Variants in PTPRN2 observed in about 807,000 individuals in gnomAD.
PTPRN2 encodes protein tyrosine phosphatase receptor type N2.
PTPRN2 carries 74 observed loss-of-function variants against 118.8 expected under a neutral mutation model. The ratio of observed to expected loss-of-function variants is 0.62; its 90% CI spans 0.52 to 0.76. The LOEUF is 0.76. Among genes scored for constraint, PTPRN2 ranks in the 30% least tolerant of loss-of-function variants. The pLI, the probability that PTPRN2 is intolerant of heterozygous loss-of-function variation, is 0.00. For missense variants in PTPRN2, 1,481 were observed against 1,394.4 expected, an observed-to-expected ratio of 1.06 and a Z score of -0.99; for synonymous variants, 641 against 608.0, an observed-to-expected ratio of 1.05 and a Z score of -0.80.
At chr7:157,770,442 C>T (rs576063629) in intron 12 of PTPRN2, among the ~76,000 whole-genome samples, 19 of 152,142 alleles carry the variant, frequency 1.2e-4, no homozygotes, top group Non-Finnish European at 2.5e-4. Context: ...TACGTTAAAC[C>T]GGAGGCTTTC....
chr7:158,072,057 C>CCATGGTGGTGGAGGTGCT (rs1811952036), intron 11 of PTPRN2, among the ~76,000 whole-genome samples: 1 of 69,080 alleles, frequency 1.4e-5, no homozygotes, highest in African/African-American at 6.0e-5. Flanking sequence ...GTGGAGGTTC[C>CCATGGTGGTGGAGGTGCT]CGTGGTGGTG....
chr7:158,562,800 C>T (rs778872845), intron 1 of PTPRN2, among the ~76,000 whole-genome samples: 11 of 152,144 alleles, frequency 7.2e-5, no homozygotes, highest in African/African-American at 2.2e-4. Flanking sequence ...GGATCAATGA[C>T]GCTCCCAGGG....
chr7:158,195,894 C>T lies in PTPRN2; in HGVS notation c.381-3399G>A, dbSNP rs143802830. 1.2e-4 allele frequency among the ~76,000 whole-genome samples: 19 copies of T among 152,272 alleles called. No individual in the cohort carries two copies. In the East Asian group the frequency reaches 3.5e-3, roughly 28 times the overall value. ...TTATTGGGTGATGGACATTTGCAATCCCATAAATATTATTTACCTTTGCTC... is the reference window on the plus strand; with the variant it reads ...TTATTGGGTGATGGACATTTGCAATTCCATAAATATTATTTACCTTTGCTC... On this transcript the variant is annotated intron_variant, in intron 4 of 22. Transcript: ENST00000389418.
chr7:158,145,021 G>A (rs13225533), intron 6 of PTPRN2, among the ~76,000 whole-genome samples: 3 of 147,072 alleles, frequency 2.0e-5, no homozygotes, highest in East Asian at 2.0e-4. Context: ...ACATCATCGC[G>A]AGAAGGTTCC....
At chr7:158,326,972 C>A (rs1803632289) in intron 2 of PTPRN2, among the ~76,000 whole-genome samples, 1 of 151,546 alleles carries the variant, frequency 6.6e-6, no homozygotes, top group Admixed American at 6.6e-5. Flanking sequence ...CGCACACATT[C>A]ACATGCACAT....
At chr7:158,337,261 C>G (rs1805795782) in intron 2 of PTPRN2, among the ~76,000 whole-genome samples, 1 of 151,654 alleles carries the variant, frequency 6.6e-6, no homozygotes, top group South Asian at 2.1e-4. Context: ...CTGACACCTG[C>G]AGACGTCACT....
chr7:158,512,412 A>G (rs1299902107), intron 1 of PTPRN2, among the ~76,000 whole-genome samples: 1 of 152,218 alleles, frequency 6.6e-6, no homozygotes, highest in Non-Finnish European at 1.5e-5. Flanking sequence ...AATAATCCAC[A>G]TGGTAAGAGC....
intron 11 of PTPRN2, among the ~76,000 whole-genome samples, chr7:157,981,992 T>C (rs1803200558): frequency 1.4e-5 from 2 of 139,154 alleles, no homozygotes; most frequent in African/African-American, 2.6e-5. Context: ...CCAGAACCCC[T>C]GAGTCATAGA....
At chr7:158,136,220 T>C in intron 8 of PTPRN2, among the ~76,000 whole-genome samples, 1 of 152,170 alleles carries the variant, frequency 6.6e-6, no homozygotes, top group Non-Finnish European at 1.5e-5. Context: ...TTTATTCAAT[T>C]TAAATATAGG....
At chr7:157,688,161 A>G (rs1439863690) in intron 12 of PTPRN2, among the ~76,000 whole-genome samples, 1 of 152,256 alleles carries the variant, frequency 6.6e-6, no homozygotes, top group East Asian at 1.9e-4. Context: ...AACTTTAATG[A>G]AAATAAGTTG....
rs13246646 is a variant in PTPRN2 at position 157,749,093 on chromosome 7, C to T, written c.1789-66156G>A. Among the ~76,000 whole-genome samples, 45 of 68,688 alleles carry T rather than the reference C, an allele frequency of 6.6e-4. No homozygotes were observed. In the East Asian group the frequency reaches 0.02, roughly 31 times the overall value. 45.1% of individuals were successfully genotyped at this position (68,688 alleles called of 152,430 possible). On this transcript the variant is annotated intron_variant, in intron 12 of 22. Coordinates refer to ENST00000389418, the MANE Select transcript of PTPRN2 (RefSeq NM_002847.5). Reference sequence around the variant, plus strand: ...GCTGTCCGGGTGATTCTGAGGCCTGCGTCCCTGAGCTGTGGGCTGTTGAGG... The same window carrying T: ...GCTGTCCGGGTGATTCTGAGGCCTGTGTCCCTGAGCTGTGGGCTGTTGAGG...
At position 157,629,675 on chromosome 7, in the gene PTPRN2, G is replaced by T. The variant is rs1267072021; in HGVS notation, c.2197-8166C>A. Among the ~76,000 whole-genome samples the T allele has an allele frequency of 6.6e-6, 1 of 152,226 alleles. No individual in the cohort carries two copies. ...CTTCGTTCCTACAACGATGCTGCCA[G>T]CAGTGGAGACTTCTTCCCACTGTAG... On this transcript the variant is annotated intron_variant, in intron 14 of 22. Transcript: ENST00000389418. The surrounding 1 kb of genome is among the most constrained non-coding windows in gnomAD (Gnocchi z 4.4).
intron 12 of PTPRN2, among the ~76,000 whole-genome samples, chr7:157,694,218 A>C (rs1183074452): frequency 6.6e-6 from 1 of 152,204 alleles, no homozygotes; most frequent in Non-Finnish European, 1.5e-5. Flanking sequence ...TGCTTTGAGG[A>C]AAGATGGGTG....
intron 3 of PTPRN2, among the ~76,000 whole-genome samples, chr7:158,228,698 C>A (rs1828977325): frequency 1.3e-5 from 2 of 152,152 alleles, no homozygotes; most frequent in African/African-American, 4.8e-5. Context: ...CACCATCCCT[C>A]CTCATAATCT....
intron 11 of PTPRN2, chr7:158,027,687 T>G (rs1389175341): frequency 6.6e-6 from 1 of 152,208 alleles, no homozygotes; most frequent in South Asian, 2.1e-4. Context: ...CCTCACTTTC[T>G]AAAAATATGA....
intron 11 of PTPRN2, among the ~76,000 whole-genome samples, chr7:157,968,492 G>A (rs750353582): frequency 6.6e-6 from 1 of 152,188 alleles, no homozygotes; most frequent in Non-Finnish European, 1.5e-5. Flanking sequence ...TCTGGGTCTC[G>A]GGGTTGTGTG....
intron 11 of PTPRN2, among the ~76,000 whole-genome samples, chr7:158,013,641 T>G (rs1806204584): frequency 6.6e-6 from 1 of 151,936 alleles, no homozygotes; most frequent in African/African-American, 2.4e-5. Flanking sequence ...AATCCATCTA[T>G]CATCCATCAT....
intron 13 of PTPRN2, among the ~76,000 whole-genome samples, chr7:157,659,254 AG>A (rs1795759495): frequency 6.9e-6 from 1 of 144,588 alleles, no homozygotes; most frequent in African/African-American, 2.6e-5. Flanking sequence ...CTGTGAGAGC[AG>A]CTGGGGACAA....
intron 3 of PTPRN2, among the ~76,000 whole-genome samples, chr7:158,262,518 TCA>T (rs1383196868): frequency 5.7e-4 from 44 of 76,822 alleles, no homozygotes; most frequent in African/African-American, 2.3e-3. Context: ...GCACACACAT[TCA>T]CACACTGCAC....
Sources: gnomAD v4.1 joint callset for allele counts (sites outside exome capture counted in the v4.1 genomes callset) on GRCh38, gnomAD v4.1.1 for gene constraint, Gnocchi (gnomAD v3.1) non-coding constraint, MANE v1.5 for transcripts, NCBI Gene and HGNC (gene_info 2026-07-23, HGNC 2026-07-21) for gene names.